The following SLC24A2 variants were observed in gnomAD, a reference collection of about 807,000 sequenced individuals.
The protein encoded by SLC24A2 is solute carrier family 24 member 2.
SLC24A2 carries 36 observed loss-of-function variants against 62.0 expected under a neutral mutation model. The ratio of observed to expected loss-of-function variants is 0.58; its 90% CI spans 0.44 to 0.77. The LOEUF (loss-of-function observed/expected upper bound fraction) is 0.77. Among genes scored for constraint, SLC24A2 ranks in the 30% least tolerant of loss-of-function variants. The pLI is 0.00. For missense variants in SLC24A2, 846 were observed against 817.9 expected, an observed-to-expected ratio of 1.03 and a Z score of -0.42; for synonymous variants, 358 against 294.0, an observed-to-expected ratio of 1.22 and a Z score of -2.23.
chr9:20,098,636 T>C, the SLC24A2 span, among the ~76,000 whole-genome samples: 1 of 152,202 alleles, frequency 6.6e-6, no homozygotes, highest in East Asian at 1.9e-4. Context: ...ACTTCCCCTT[T>C]GTCCCTGAAG....
At chr9:20,163,663 C>T in the SLC24A2 span, among the ~76,000 whole-genome samples, 8 of 151,982 alleles carry the variant, frequency 5.3e-5, no homozygotes, top group Non-Finnish European at 1.2e-4. Flanking sequence ...CAAAAGAGCC[C>T]GCATCACCAA....
the SLC24A2 span, among the ~76,000 whole-genome samples, chr9:20,184,641 C>CAT: frequency 6.6e-6 from 1 of 152,094 alleles, no homozygotes. Context: ...GAAGCCCTTG[C>CAT]ATAGGCTGAT....
At chr9:19,815,019 G>C in the SLC24A2 span, among the ~76,000 whole-genome samples, 2 of 152,136 alleles carry the variant, frequency 1.3e-5, no homozygotes, top group Non-Finnish European at 2.9e-5. Flanking sequence ...AGACTGATTG[G>C]TCTGCAATTT....
chr9:19,821,621 A>G, the SLC24A2 span, among the ~76,000 whole-genome samples: 1 of 152,142 alleles, frequency 6.6e-6, no homozygotes, highest in Non-Finnish European at 1.5e-5. Flanking sequence ...AATCTAAGGA[A>G]TAATTATCTT....
At chr9:19,582,146 C>A (rs889895545) in intron 5 of SLC24A2, among the ~76,000 whole-genome samples, 1 of 152,080 alleles carries the variant, frequency 6.6e-6, no homozygotes, top group African/African-American at 2.4e-5. Context: ...AGTAAAAGAT[C>A]CAAGCATAAG....
At chr9:19,917,831 G>A in the SLC24A2 span, among the ~76,000 whole-genome samples, 11 of 152,074 alleles carry the variant, frequency 7.2e-5, no homozygotes, top group South Asian at 2.1e-3. Flanking sequence ...AACTACAAAT[G>A]TGGCTTTTCT....
the SLC24A2 span, among the ~76,000 whole-genome samples, chr9:20,195,454 G>A: frequency 2.0e-5 from 3 of 152,088 alleles, no homozygotes; most frequent in South Asian, 4.1e-4. Context: ...AAATTTTCGT[G>A]TATTTATTGA....
At chr9:19,907,629 T>A in the SLC24A2 span, among the ~76,000 whole-genome samples, 5 of 152,132 alleles carry the variant, frequency 3.3e-5, no homozygotes, top group African/African-American at 1.2e-4. Context: ...TTCAGCAAAG[T>A]CTCAGGATAC....
At chr9:19,955,389 T>TTG in the SLC24A2 span, among the ~76,000 whole-genome samples, 5 of 150,264 alleles carry the variant, frequency 3.3e-5, no homozygotes, top group African/African-American at 9.8e-5. Context: ...TTTTTTTTTT[T>TTG]TTGTTTTCCT....
chr9:20,259,601 T>G, the SLC24A2 span, among the ~76,000 whole-genome samples: 367 of 152,144 alleles, frequency 2.4e-3, 3 homozygotes, highest in Non-Finnish European at 9.0e-4. Flanking sequence ...AGACATCAAC[T>G]GAAACTTAAT....
intron 2 of SLC24A2, among the ~76,000 whole-genome samples, chr9:19,737,255 A>G (rs1457644584): frequency 6.6e-6 from 1 of 152,240 alleles, no homozygotes; most frequent in Non-Finnish European, 1.5e-5. Context: ...GAAAACTGTC[A>G]AAATATATTT....
intron 2 of SLC24A2, among the ~76,000 whole-genome samples, chr9:19,725,802 C>G (rs1230748270): frequency 6.6e-6 from 1 of 152,170 alleles, no homozygotes; most frequent in Non-Finnish European, 1.5e-5. Flanking sequence ...TATGGACCCA[C>G]AGATCAGCAC....
chr9:20,283,052 G>A, the SLC24A2 span, among the ~76,000 whole-genome samples: 37 of 152,328 alleles, frequency 2.4e-4, no homozygotes, highest in African/African-American at 8.7e-4. Context: ...TCCCAGATAA[G>A]TCACAGCTTC....
the SLC24A2 span, among the ~76,000 whole-genome samples, chr9:20,244,816 A>G: frequency 6.6e-5 from 10 of 152,212 alleles, no homozygotes; most frequent in Non-Finnish European, 1.5e-4. Context: ...TTAAAACAGA[A>G]ATGTAGTTTG....
At position 19,515,747 on chromosome 9, in the gene SLC24A2, C is replaced by A. The variant is rs1314725658; in HGVS notation, c.*406G>T. ...TCTTTATTTACAGGTATGTACTAAT[C>A]TATAGGTATGCAAGGAGAGGTATAG... On this transcript the variant is annotated 3_prime_UTR_variant, in exon 11 of 11. Transcript: ENST00000341998. The A allele has an allele frequency of 4.3e-6, 1 of 232,876 alleles. No individual in the cohort carries two copies. Among genetic ancestry groups the A allele is most frequent in the Non-Finnish European group, 8.7e-6 (1 of 115,330 alleles). The allele number at this position is 232,876 out of a possible 1,614,324, so 14.4% of individuals were successfully genotyped here.
chr9:19,610,640 G>T (rs2132933857), intron 4 of SLC24A2, among the ~76,000 whole-genome samples: 1 of 152,254 alleles, frequency 6.6e-6, no homozygotes, highest in Non-Finnish European at 1.5e-5. Context: ...AGCAAATACT[G>T]ACCAAGCACC....
chr9:20,224,834 C>T, the SLC24A2 span, among the ~76,000 whole-genome samples: 1 of 152,082 alleles, frequency 6.6e-6, no homozygotes, highest in Non-Finnish European at 1.5e-5. Context: ...GCTGTATTAG[C>T]TGCTAACTGC....
At chr9:20,106,852 A>T in the SLC24A2 span, among the ~76,000 whole-genome samples, 964 of 152,260 alleles carry the variant, frequency 6.3e-3, 15 homozygotes, top group African/African-American at 0.021. Context: ...TGGCCAGGGC[A>T]ATTAGGCAGG....
chr9:19,959,139 G>C, the SLC24A2 span, among the ~76,000 whole-genome samples: 19 of 152,150 alleles, frequency 1.2e-4, no homozygotes, highest in Non-Finnish European at 2.2e-4. Flanking sequence ...GTAGATTAAG[G>C]CTAGAGATAA....
Sources: gnomAD v4.1 joint callset for allele counts (sites outside exome capture counted in the v4.1 genomes callset) on GRCh38, gnomAD v4.1.1 for gene constraint, MANE v1.5 for transcripts, NCBI Gene and HGNC (gene_info 2026-07-23, HGNC 2026-07-21) for gene names.